Variants in LPP observed in about 807,000 individuals in gnomAD.
LPP encodes the protein lipoma-preferred partner.
Under a neutral mutation model 60.4 loss-of-function variants are expected in LPP, and 38 were observed. That is an observed-to-expected ratio of 0.63 (90% CI 0.49 to 0.83). The LOEUF is 0.83. Among genes scored for constraint, LPP ranks in the 40% least tolerant of loss-of-function variants. The probability of loss-of-function intolerance (pLI) is 0.00; values close to 1 mark genes in which losing one functional copy is unlikely to be tolerated. For missense variants in LPP, 902 were observed against 783.6 expected (o/e 1.15, Z -1.80); for synonymous variants, 328 against 290.8 (o/e 1.13, Z -1.30).
intron 9 of LPP, among the ~76,000 whole-genome samples, 157 bp downstream of exon 9, chr3:188,760,439 T>TGTGTGTGTGTGCAC (rs55988915): frequency 1.9e-4 from 28 of 150,042 alleles, no homozygotes; most frequent in African/African-American, 5.7e-4. Flanking sequence ...TGTGTGTGCG[T>TGTGTGTGTGTGCAC]GCGCGCATGT....
At chr3:188,436,017 A>T (rs576634219) in intron 4 of LPP, among the ~76,000 whole-genome samples, 1 of 152,322 alleles carries the variant, frequency 6.6e-6, no homozygotes, top group South Asian at 2.1e-4. Flanking sequence ...CCCAAACCTA[A>T]TATTAACAAT....
intron 8 of LPP, among the ~76,000 whole-genome samples, chr3:188,713,740 T>G (rs1489988585): frequency 2.0e-5 from 3 of 152,164 alleles, no homozygotes; most frequent in Non-Finnish European, 4.4e-5. Flanking sequence ...GCAACAACTA[T>G]AAGGACTCCC....
At chr3:188,444,456 T>G (rs1275896124) in intron 4 of LPP, among the ~76,000 whole-genome samples, 6 of 152,156 alleles carry the variant, frequency 3.9e-5, no homozygotes, top group African/African-American at 1.4e-4. Flanking sequence ...TTGTTATACT[T>G]GAACTAGATT....
At chr3:188,206,216 G>C (rs1271925680) in intron 1 of LPP, among the ~76,000 whole-genome samples, 1 of 152,124 alleles carries the variant, frequency 6.6e-6, no homozygotes, top group East Asian at 1.9e-4. Flanking sequence ...AATCTGTCCA[G>C]ATCCCTGTGA....
At chr3:188,406,744 G>T (rs768669183) in intron 4 of LPP, among the ~76,000 whole-genome samples, 3 of 152,198 alleles carry the variant, frequency 2.0e-5, no homozygotes, top group Non-Finnish European at 2.9e-5. Flanking sequence ...CTAATAAAGT[G>T]CATGGAATTG....
intron 8 of LPP, among the ~76,000 whole-genome samples, chr3:188,732,297 T>G (rs950115711): frequency 2.0e-5 from 3 of 152,180 alleles, no homozygotes; most frequent in African/African-American, 7.2e-5. Flanking sequence ...ATGAATAAAA[T>G]TATTCTAAGA....
intron 7 of LPP, among the ~76,000 whole-genome samples, chr3:188,703,805 AAGT>A (rs1864953256): frequency 6.6e-6 from 1 of 152,186 alleles, no homozygotes; most frequent in Non-Finnish European, 1.5e-5. Context: ...TTGACAAGGT[AAGT>A]ACTTTGAAAT....
chr3:188,303,030 A>G (rs1037857940), intron 2 of LPP, among the ~76,000 whole-genome samples: 11 of 152,182 alleles, frequency 7.2e-5, no homozygotes, highest in African/African-American at 2.4e-4. Flanking sequence ...TTCTTTAAGC[A>G]TGTATTAACT....
At chr3:188,865,480 C>A (rs1766339455) in intron 9 of LPP, among the ~76,000 whole-genome samples, 1 of 152,206 alleles carries the variant, frequency 6.6e-6, no homozygotes, top group African/African-American at 2.4e-5. Flanking sequence ...ATTTAGCATG[C>A]TCTGTCTCAG....
At chr3:188,303,010 A>C (rs922735039) in intron 2 of LPP, among the ~76,000 whole-genome samples, 2 of 152,100 alleles carry the variant, frequency 1.3e-5, no homozygotes, top group African/African-American at 4.8e-5. Context: ...CTTACTTTTA[A>C]TCTGTTTTAT....
intron 3 of LPP, among the ~76,000 whole-genome samples, chr3:188,360,201 C>T (rs1238672222): frequency 1.3e-5 from 2 of 152,170 alleles, no homozygotes; most frequent in Non-Finnish European, 2.9e-5. Context: ...ACCCGGCCTG[C>T]ATCGGAATTA....
At chr3:188,758,243 C>T (rs998210103) in intron 8 of LPP, among the ~76,000 whole-genome samples, 20 of 152,154 alleles carry the variant, frequency 1.3e-4, no homozygotes, top group South Asian at 4.1e-4. Context: ...TCACTGCAAC[C>T]TCTGCCTCCC....
intron 6 of LPP, among the ~76,000 whole-genome samples, chr3:188,607,808 A>G (rs1842820551): frequency 6.6e-6 from 1 of 152,238 alleles, no homozygotes; most frequent in Non-Finnish European, 1.5e-5. Flanking sequence ...AGAAATTTAC[A>G]TATACAGATT....
chr3:188,504,600 AT>A (rs1438973846), intron 5 of LPP, among the ~76,000 whole-genome samples: 2 of 151,822 alleles, frequency 1.3e-5, no homozygotes, highest in African/African-American at 4.8e-5. Flanking sequence ...TACCGTTTGT[AT>A]TTTGTGGGGT....
chr3:188,830,387 G>A (rs959922800), intron 9 of LPP, among the ~76,000 whole-genome samples: 4 of 150,936 alleles, frequency 2.7e-5, no homozygotes, highest in Non-Finnish European at 4.4e-5. Context: ...GGCAGATCAC[G>A]AGGTCAGGAG....
At chr3:188,383,957 C>T (rs1180763362) in intron 3 of LPP, among the ~76,000 whole-genome samples, 2 of 152,200 alleles carry the variant, frequency 1.3e-5, no homozygotes, top group African/African-American at 4.8e-5. Flanking sequence ...TTGATACCAC[C>T]AGCAGCAAAT....
intron 6 of LPP, among the ~76,000 whole-genome samples, chr3:188,545,861 T>C (rs1826509575): frequency 6.6e-6 from 1 of 152,212 alleles, no homozygotes; most frequent in East Asian, 1.9e-4. Context: ...AGACAGGGGG[T>C]TAGTCTCCAC....
intron 1 of LPP, among the ~76,000 whole-genome samples, chr3:188,171,708 G>C (rs960721688): frequency 1.3e-5 from 2 of 152,222 alleles, no homozygotes; most frequent in Non-Finnish European, 2.9e-5. Flanking sequence ...GGAAACAACA[G>C]TCCATGAGGT....
chr3:188,517,954 A>G (rs1174229002), intron 5 of LPP, among the ~76,000 whole-genome samples: 1 of 152,116 alleles, frequency 6.6e-6, no homozygotes, highest in African/African-American at 2.4e-5. Context: ...TGTTTAAAAG[A>G]GTATAGCACC....
Sources: gnomAD v4.1 joint callset for allele counts (sites outside exome capture counted in the v4.1 genomes callset) on GRCh38, gnomAD v4.1.1 for gene constraint, MANE v1.5 for transcripts, NCBI Gene and HGNC (gene_info 2026-07-23, HGNC 2026-07-21) for gene names.